The following ADD3 variants were observed in gnomAD, a reference collection of about 807,000 sequenced individuals.
ADD3 encodes adducin 3.
Under a neutral mutation model 80.2 loss-of-function variants are expected in ADD3, and 25 were observed. The observed-to-expected ratio is 0.31, with a 90% CI of 0.23 to 0.44. ADD3 has a LOEUF of 0.44. Ranked by LOEUF, ADD3 falls within the 20% of genes least tolerant of loss-of-function variation. The pLI, the probability that ADD3 is intolerant of heterozygous loss-of-function variation, is 1.00. For missense variants in ADD3, 829 were observed against 847.5 expected, an observed-to-expected ratio of 0.98 and a Z score of 0.27; for synonymous variants, 284 against 289.6, an observed-to-expected ratio of 0.98 and a Z score of 0.20.
At position 110,124,292 on chromosome 10, in the gene ADD3, G is replaced by C; in HGVS notation, c.1401+18G>C. 6.2e-7 allele frequency: 1 copy of C among 1,608,644 alleles called. No individual in the cohort carries two copies. The highest frequency in any genetic ancestry group is 8.5e-7 in the Non-Finnish European group (1 of 1,175,500). ...AAATCACGGTATGCCAGTATTTTAT[G>C]TAGTTTGCCTTTACTAAATATTTTG... On this transcript the variant is annotated intron_variant, in intron 10 of 14. Coordinates refer to ENST00000356080, the MANE Select transcript of ADD3 (RefSeq NM_016824.5).
chr10:110,117,271 T>C (rs1850858017), intron 4 of ADD3, 71 bp from the exon 5 acceptor site: 2 of 763,076 alleles, frequency 2.6e-6, no homozygotes, highest in Admixed American at 4.5e-5. Flanking sequence ...ATTGTAAATA[T>C]ATTTGTAGTC....
chr10:110,012,501 G>T (rs1488066252), intron 1 of ADD3, among the ~76,000 whole-genome samples: 2 of 152,182 alleles, frequency 1.3e-5, no homozygotes, highest in Non-Finnish European at 2.9e-5. Flanking sequence ...TTACTTAACT[G>T]CATTGAAGGA....
rs185617742 is a variant in ADD3, at chr10:110,073,422, G to A, written c.-29-27203G>A. ...CTCCCAAACTGCTGGGATTACAGGC[G>A]TGAGCCACCGTGCCCGGCCCTAGTT... On this transcript the variant is annotated intron_variant, in intron 1 of 14. Transcript: ENST00000356080. Among the ~76,000 whole-genome samples the A allele has an allele frequency of 2.5e-3, 376 of 152,210 alleles. 5 individuals carry two copies. Among genetic ancestry groups the A allele is most frequent in the South Asian group, 3.9e-3 (19 of 4,824 alleles).
intron 3 of ADD3, among the ~76,000 whole-genome samples, chr10:110,115,941 G>C (rs11194989): frequency 0.041 from 6,257 of 152,286 alleles, 173 homozygotes; most frequent in Middle Eastern, 0.17. Context: ...AGTAACCTCA[G>C]TATTTAACAC....
In ADD3 at chr10:110,130,430, A is replaced by G. The variant is rs771216495; in HGVS notation, c.1676A>G (p.Glu559Gly). ...APPNPFSHLT[E>G]GELEEYKRTI... ...CCTAACCCATTTAGTCATCTCACAG[A>G]AGGAGAACTTGAAGAGTATAAGAGG... The change falls in exon 13 of 15, where the codon GAA becomes GGA. Residue 559 changes from glutamate to glycine, a missense_variant. Coordinates refer to ENST00000356080, the MANE Select transcript of ADD3 (RefSeq NM_016824.5). 4.3e-6 allele frequency: 7 copies of G among 1,614,052 alleles called. No individual in the cohort carries two copies. In the Admixed American group the frequency reaches 1.2e-4, roughly 27 times the overall value.
chr10:110,002,252 CACAA>C (rs1851500492), upstream of ADD3, among the ~76,000 whole-genome samples: 4 of 151,774 alleles, frequency 2.6e-5, no homozygotes, highest in African/African-American at 4.8e-5. Flanking sequence ...CCGTTTCAAA[CACAA>C]ACAAACAAAA....
chr10:110,094,724 A>G (rs1198202113), intron 1 of ADD3, among the ~76,000 whole-genome samples: 1 of 152,194 alleles, frequency 6.6e-6, no homozygotes, highest in African/African-American at 2.4e-5. Context: ...TGATCTAAGG[A>G]TAGTAGCTTG....
At chr10:110,106,473 A>G (rs184235002) in intron 2 of ADD3, among the ~76,000 whole-genome samples, 1 of 152,146 alleles carries the variant, frequency 6.6e-6, no homozygotes, top group Non-Finnish European at 1.5e-5. Flanking sequence ...AGTGAATTCT[A>G]CTTTTGGTTT....
intron 1 of ADD3, among the ~76,000 whole-genome samples, chr10:110,018,353 C>G (rs1431075535): frequency 1.3e-5 from 2 of 151,724 alleles, no homozygotes; most frequent in Non-Finnish European, 2.9e-5. Flanking sequence ...CATGATGAAA[C>G]CCCATCTCTA....
intron 2 of ADD3, among the ~76,000 whole-genome samples, chr10:110,102,259 T>C (rs1436927831): frequency 7.0e-6 from 1 of 142,818 alleles, no homozygotes; most frequent in Non-Finnish European, 1.5e-5. Flanking sequence ...ACATTAATTA[T>C]TTAGATCAAA....
intron 1 of ADD3, among the ~76,000 whole-genome samples, chr10:110,073,408 C>G (rs954792733): frequency 6.6e-6 from 1 of 152,164 alleles, no homozygotes; most frequent in African/African-American, 2.4e-5. Flanking sequence ...TCCCAAACTG[C>G]TGGGATTACA....
At chr10:110,070,335 C>A (rs1999249) in intron 1 of ADD3, among the ~76,000 whole-genome samples, 152,320 of 152,328 alleles carry the variant, frequency 1, 76,156 homozygotes, top group Non-Finnish European at 1. Context: ...TACCTGTTCA[C>A]TTGTAGCATG....
chr10:110,121,309 C>A (rs1590215196), intron 8 of ADD3, among the ~76,000 whole-genome samples: 1 of 151,992 alleles, frequency 6.6e-6, no homozygotes, highest in East Asian at 1.9e-4. Context: ...CATGGAGAAA[C>A]CCCGTCTGTA....
Position 110,047,757 on chromosome 10 carries a change from T to C in ADD3, c.-30+39458T>C, listed in dbSNP as rs541230824. 1.2e-4 allele frequency among the ~76,000 whole-genome samples: 19 copies of C among 152,318 alleles called. No homozygotes were observed. The South Asian group carries it at 2.3e-3, about 18-fold the overall frequency. On this transcript the variant is annotated intron_variant, in intron 1 of 14. Transcript: ENST00000356080. ...CACAGAAGCACAAATGAAAGAAATG[T>C]AAATTCTAGAGAATTATCTGTGGGA...
chr10:110,079,551 T>C (rs1845824085), intron 1 of ADD3, among the ~76,000 whole-genome samples: 1 of 151,606 alleles, frequency 6.6e-6, no homozygotes, highest in Non-Finnish European at 1.5e-5. Flanking sequence ...CCATTATGTA[T>C]CTACTCTTTT....
intron 1 of ADD3, among the ~76,000 whole-genome samples, chr10:110,022,272 A>G (rs900505381): frequency 6.6e-6 from 1 of 152,162 alleles, no homozygotes; most frequent in African/African-American, 2.4e-5. Flanking sequence ...AGCAATAAAG[A>G]TGGTCTACTT....
intron 1 of ADD3, among the ~76,000 whole-genome samples, chr10:110,069,124 G>C (rs919275925): frequency 6.6e-6 from 1 of 151,958 alleles, no homozygotes; most frequent in Non-Finnish European, 1.5e-5. Flanking sequence ...TTAAATGCAG[G>C]TGCGATTACT....
chr10:110,025,967 GT>G (rs1346492009), intron 1 of ADD3, among the ~76,000 whole-genome samples: 1 of 152,062 alleles, frequency 6.6e-6, no homozygotes, highest in Non-Finnish European at 1.5e-5. Context: ...GTTTTGTGAA[GT>G]TTTTTCCAAA....
chr10:110,007,080 GCCC>G (rs1375017215), upstream of ADD3, among the ~76,000 whole-genome samples: 3 of 152,144 alleles, frequency 2.0e-5, no homozygotes, highest in Non-Finnish European at 4.4e-5. Context: ...GGGGTGGGAG[GCCC>G]GGTGTCACCT....
Sources: gnomAD v4.1 joint callset for allele counts (sites outside exome capture counted in the v4.1 genomes callset) on GRCh38, gnomAD v4.1.1 for gene constraint, MANE v1.5 for transcripts, NCBI Gene and HGNC (gene_info 2026-07-23, HGNC 2026-07-21) for gene names.